Variants in RNFT2 observed in about 807,000 individuals in gnomAD.
RNFT2 encodes the protein ring finger protein, transmembrane 2.
A neutral mutation model predicts 53.0 loss-of-function variants in RNFT2; 36 were observed. The observed-to-expected ratio is 0.68, with a 90% CI of 0.52 to 0.90. RNFT2 has a LOEUF of 0.90. RNFT2 is among the 40% of genes least tolerant of loss of function. The probability of loss-of-function intolerance (pLI) is 0.00; values close to 1 mark genes in which losing one functional copy is unlikely to be tolerated. For missense variants in RNFT2, 514 were observed against 585.6 expected, an observed-to-expected ratio of 0.88 and a Z score of 1.26; for synonymous variants, 260 against 253.2, an observed-to-expected ratio of 1.03 and a Z score of -0.26.
intron 10 of RNFT2, among the ~76,000 whole-genome samples, chr12:116,845,253 A>AT (rs1466227216): frequency 5.6e-4 from 65 of 115,322 alleles, no homozygotes; most frequent in African/African-American, 2.3e-3. Context: ...CAAAAAAAAA[A>AT]AAAAAATATA....
chr12:116,800,029 C>G (rs1478765697), intron 7 of RNFT2, among the ~76,000 whole-genome samples: 2 of 152,086 alleles, frequency 1.3e-5, no homozygotes, highest in Admixed American at 6.6e-5. Context: ...TTTAAAAGAG[C>G]CTGGCATCTC....
intron 7 of RNFT2, among the ~76,000 whole-genome samples, chr12:116,832,142 A>ATATATATATATATATATAT (rs1170051785): frequency 6.5e-5 from 4 of 61,778 alleles, no homozygotes; most frequent in African/African-American, 2.3e-4. Flanking sequence ...AAAAAAAAAA[A>ATATATATATATATATATAT]AAAAAAATAT....
At chr12:116,815,288 T>C (rs976371332) in intron 7 of RNFT2, among the ~76,000 whole-genome samples, 3 of 152,232 alleles carry the variant, frequency 2.0e-5, no homozygotes, top group South Asian at 2.1e-4. Flanking sequence ...TTCTCTGTGT[T>C]AGCTTCCTGT....
intron 7 of RNFT2, among the ~76,000 whole-genome samples, chr12:116,795,890 A>G (rs906291096): frequency 1.3e-5 from 2 of 151,886 alleles, no homozygotes; most frequent in African/African-American, 4.8e-5. Flanking sequence ...CAGCTTCTTC[A>G]TCTCTCCAGT....
intron 7 of RNFT2, among the ~76,000 whole-genome samples, chr12:116,831,441 A>G (rs1226940488): frequency 1.3e-5 from 2 of 151,800 alleles, no homozygotes; most frequent in African/African-American, 2.4e-5. Context: ...TAAAGTTGCT[A>G]TTTCTTCAGG....
At chr12:116,800,633 C>CA (rs33936190) in intron 7 of RNFT2, among the ~76,000 whole-genome samples, 2,378 of 141,988 alleles carry the variant, frequency 0.017, 64 homozygotes, top group African/African-American at 0.059. Flanking sequence ...GACTCTGTCT[C>CA]AAAAAAAAAA....
intron 6 of RNFT2, among the ~76,000 whole-genome samples, chr12:116,772,038 A>G (rs1592949453): frequency 6.6e-6 from 1 of 152,104 alleles, no homozygotes; most frequent in African/African-American, 2.4e-5. Flanking sequence ...TGCCTATACA[A>G]TGCTGTCCCA....
chr12:116,774,140 G>A (rs1390740126), intron 6 of RNFT2, among the ~76,000 whole-genome samples: 3 of 152,208 alleles, frequency 2.0e-5, no homozygotes, highest in African/African-American at 7.2e-5. Flanking sequence ...GGGACTGGGG[G>A]GAGAAGGGAA....
rs1431659920 is a variant in RNFT2 at position 116,791,722 on chromosome 12, A to C, written c.882+12374A>C. 3.9e-5 allele frequency among the ~76,000 whole-genome samples: 6 copies of C among 152,210 alleles called. No homozygotes were observed. The East Asian group carries it at 1.2e-3, about 29-fold the overall frequency. ...CTGTTTTTGCTTTTTGGCTATTGTG[A>C]ATAGTGCTGCTGTGAGCTTTCGCAG... On this transcript the variant is annotated intron_variant, in intron 7 of 10. Transcript: ENST00000257575.
At chr12:116,750,563 C>G (rs753316198) in intron 4 of RNFT2, among the ~76,000 whole-genome samples, 2 of 151,668 alleles carry the variant, frequency 1.3e-5, no homozygotes, top group Non-Finnish European at 2.9e-5. Flanking sequence ...GAAACTTCCT[C>G]GCTGGTTGGC....
intron 7 of RNFT2, among the ~76,000 whole-genome samples, chr12:116,827,978 AG>A (rs1404522892): frequency 6.6e-6 from 1 of 152,176 alleles, no homozygotes; most frequent in Non-Finnish European, 1.5e-5. Flanking sequence ...CTGGCCTGCA[AG>A]GAAGAACAGA....
chr12:116,849,666 G>C lies in RNFT2; in HGVS notation c.*218G>C. The C allele has an allele frequency of 1.6e-6, 2 of 1,273,404 alleles. No individual in the cohort carries two copies. The highest frequency in any genetic ancestry group is 2.9e-5 in the East Asian group (1 of 34,732). The allele number at this position is 1,273,404 out of a possible 1,614,324, so 78.9% of individuals were successfully genotyped here. A position where few individuals can be genotyped will look rare whatever the true frequency, so the allele number is the denominator to read the frequency against. On this transcript the variant is annotated 3_prime_UTR_variant, in exon 11 of 11. Transcript: ENST00000257575. ...TGCGTGCCTCCTTCCCCTGCAAAAG[G>C]GGACGTCTTCCTAACTCAGACTTGA... is the stretch of plus-strand genomic sequence containing the variant.
chr12:116,748,618 C>T (rs1237681156), intron 3 of RNFT2: 1 of 438,854 alleles, frequency 2.3e-6, no homozygotes, highest in African/African-American at 2.0e-5. Flanking sequence ...GGCCTCCCAG[C>T]TAAGTCTTCT....
intron 6 of RNFT2, among the ~76,000 whole-genome samples, chr12:116,772,875 T>G (rs1873263579): frequency 6.6e-6 from 1 of 151,920 alleles, no homozygotes; most frequent in South Asian, 2.1e-4. Context: ...GTCGCCCAGG[T>G]TGGAGTGCAG....
At chr12:116,775,986 T>C (rs1347726250) in intron 6 of RNFT2, among the ~76,000 whole-genome samples, 1 of 151,790 alleles carries the variant, frequency 6.6e-6, no homozygotes, top group East Asian at 1.9e-4. Context: ...GAGGTTGCAG[T>C]GAGCCAAGGT....
chr12:116,825,280 A>C (rs1876269103), intron 7 of RNFT2, among the ~76,000 whole-genome samples: 1 of 152,236 alleles, frequency 6.6e-6, no homozygotes, highest in Non-Finnish European at 1.5e-5. Context: ...AGGGAGAACA[A>C]GCAAAAGGAA....
In RNFT2 at chr12:116,852,796, T is replaced by C. The variant is rs903772; in HGVS notation, c.*3348T>C. 1,246,648 of 1,385,772 alleles carry C rather than the reference T, an allele frequency of 0.9. 562,856 individuals are homozygous for C. Among genetic ancestry groups the C allele is most frequent in the Admixed American group, 0.94 (56,058 of 59,364 alleles). The allele number at this position is 1,385,772 out of a possible 1,614,324, so 85.8% of individuals were successfully genotyped here. Reference sequence around the variant, plus strand: ...ACTTTGGGAAGTCACTCAGCCTCCCTGTAGCCATCTCCAGGGTGACGGAAC... The same window carrying C: ...ACTTTGGGAAGTCACTCAGCCTCCCCGTAGCCATCTCCAGGGTGACGGAAC... On this transcript the variant is annotated 3_prime_UTR_variant, in exon 11 of 11. Coordinates refer to ENST00000257575, the MANE Select transcript of RNFT2 (RefSeq NM_001382266.1).
rs780616652 is a variant in RNFT2 at position 116,833,865 on chromosome 12, A to G, written c.956A>G (p.Lys319Arg). 89 of 1,613,350 alleles carry G rather than the reference A, an allele frequency of 5.5e-5. No homozygotes were observed. Among genetic ancestry groups the G allele is most frequent in the Non-Finnish European group, 7.2e-5 (85 of 1,179,706 alleles). ...RSLVPIQLWY[K>R]YIMGDDSSNS... The stretch of plus-strand genomic sequence containing the variant: ...CTTGTCCCCATCCAGCTGTGGTACA[A>G]ATACATCATGGGTGACGACTCCTCC... Residue 319 changes from lysine (K) to arginine (R), a missense_variant, in exon 8 of 11, where the codon AAA (lysine) becomes AGA (arginine). Lys to Arg is a conservative substitution (Grantham distance 26). Around this residue, in one of 3 missense-constraint regions of RNFT2, gnomAD observed 273 missense variants for 334.4 expected, o/e 0.82. Coordinates refer to ENST00000257575, the MANE Select transcript of RNFT2 (RefSeq NM_001382266.1).
chr12:116,825,806 T>C (rs948031124), intron 7 of RNFT2, among the ~76,000 whole-genome samples: 1 of 152,126 alleles, frequency 6.6e-6, no homozygotes, highest in Admixed American at 6.5e-5. Context: ...CTGAGGGTCA[T>C]AGAGGTTGAA....
Sources: allele counts gnomAD v4.1 joint callset (sites outside exome capture counted in the v4.1 genomes callset), GRCh38; gene constraint gnomAD v4.1.1; regional missense constraint gnomAD v4.1.1; transcripts MANE v1.5; gene names NCBI Gene and HGNC (gene_info 2026-07-23, HGNC 2026-07-21).